The following ALG10 variants were observed in gnomAD, a reference collection of about 807,000 sequenced individuals.
The protein encoded by ALG10 is ALG10 alpha-1,2-glucosyltransferase, also known as dol-P-Glc:Glc(2)Man(9)GlcNAc(2)-PP-Dol alpha-1,2-glucosyltransferase A.
Under a neutral mutation model 39.2 loss-of-function variants are expected in ALG10, and 25 were observed. The observed-to-expected ratio is 0.64, with a 90% CI of 0.46 to 0.89. ALG10 has a LOEUF of 0.89. Ranked by LOEUF, ALG10 falls within the 40% of genes least tolerant of loss-of-function variation. ALG10 has a pLI of 0.00. For missense variants in ALG10, 486 were observed against 546.6 expected (o/e 0.89, Z 1.11); for synonymous variants, 184 against 193.9 (o/e 0.95, Z 0.42).
chr12:34,026,318 T>C lies in ALG10; in HGVS notation c.825T>C (p.Val275=), dbSNP rs375466130. Residue 275 remains valine (V), a synonymous_variant, in exon 3 of 3, where the codon GTT becomes GTC. Coordinates refer to ENST00000266483, the MANE Select transcript of ALG10 (RefSeq NM_032834.4). ...TTGTAGTAGTTAATGGTGGAATTGT[T>C]ATTGGCGATCGGAGTAGTCATGAAG... The part of the protein sequence containing the change: ...CAFVVVNGGI[V]IGDRSSHEAC... The C allele has an allele frequency of 1.2e-6, 2 of 1,614,030 alleles. No individual in the cohort carries two copies. The highest frequency in any genetic ancestry group is 3.3e-5 in the Admixed American group (2 of 60,002).
chr12:34,023,008 G>A, intron 1 of ALG10: 1 of 585,432 alleles, frequency 1.7e-6, no homozygotes, highest in Non-Finnish European at 2.8e-6. Flanking sequence ...TACTCAACGG[G>A]GAACTGAGCC....
chr12:34,023,048 C>A, intron 1 of ALG10: 1 of 463,694 alleles, frequency 2.2e-6, no homozygotes, highest in South Asian at 3.4e-5. Context: ...ATATCGATCC[C>A]ACTTTGTCTT....
At position 34,026,407 on chromosome 12, in the gene ALG10, A is replaced by G. The variant is rs1249501653; in HGVS notation, c.914A>G (p.His305Arg). The change falls in exon 3 of 3, where the codon CAT (histidine) becomes CGT (arginine). Residue 305 changes from histidine to arginine, a missense_variant. His to Arg is a conservative substitution (Grantham distance 29). Transcript: ENST00000266483. ...TTTACTCTCTTTTTTTCCTTTCCTCATCTCCTGTCTCCTAGCAAAATTAAG... is the reference window on the plus strand; with the variant it reads ...TTTACTCTCTTTTTTTCCTTTCCTCGTCTCCTGTCTCCTAGCAAAATTAAG... Reference protein sequence around the residue: ...FSFTLFFSFPHLLSPSKIKTF... With the variant: ...FSFTLFFSFPRLLSPSKIKTF... The G allele has an allele frequency of 3.1e-6, 5 of 1,613,040 alleles. No homozygotes were observed. Among genetic ancestry groups the G allele is most frequent in the African/African-American group, 2.7e-5 (2 of 74,542 alleles).
At chr12:34,022,898 G>C (rs1330283371) in intron 1 of ALG10, 128 bp downstream of exon 1, 28 of 1,291,120 alleles carry the variant, frequency 2.2e-5, no homozygotes, top group Non-Finnish European at 2.8e-5. Flanking sequence ...AAAGAAACTG[G>C]GTATAGTCTT....
chr12:34,024,423 T>C (rs1011319586), intron 2 of ALG10, among the ~76,000 whole-genome samples: 5 of 152,204 alleles, frequency 3.3e-5, no homozygotes, highest in Non-Finnish European at 7.3e-5. Context: ...ACTGAACTTA[T>C]TCCATGTGCT....
chr12:34,022,622 A>G lies in ALG10; in HGVS notation c.23A>G (p.Tyr8Cys). ...GGAATGGCGCAGCTGGAAGGTTACT[A>G]TTTCTCGGCCGCCTTGAGCTGTACC... MAQLEGYYFSAALSCTFL... is the reference protein window; with the variant it reads MAQLEGYCFSAALSCTFL... The change falls in exon 1 of 3, where the codon TAT becomes TGT. Residue 8 changes from tyrosine (Y) to cysteine (C), a missense_variant. Tyr to Cys is a radical substitution (Grantham distance 194). Transcript: ENST00000266483. 2 of 1,613,860 alleles carry G rather than the reference A, an allele frequency of 1.2e-6. No homozygotes were observed. The highest frequency in any genetic ancestry group is 1.7e-6 in the Non-Finnish European group (2 of 1,179,958).
rs772916617 is a variant in ALG10, at chr12:34,026,338, A to G, written c.845A>G (p.His282Arg). ...ATTGTTATTGGCGATCGGAGTAGTC[A>G]TGAAGCCTGTCTTCATTTTCCTCAA... Reference protein sequence around the residue: ...GGIVIGDRSSHEACLHFPQLF... With the variant: ...GGIVIGDRSSREACLHFPQLF... The change falls in exon 3 of 3, where the codon CAT becomes CGT. Residue 282 changes from histidine (H) to arginine (R), a missense_variant. Coordinates refer to ENST00000266483, the MANE Select transcript of ALG10 (RefSeq NM_032834.4). 1 of 1,613,842 alleles carries G rather than the reference A, an allele frequency of 6.2e-7. No homozygotes were observed. Among genetic ancestry groups the G allele is most frequent in the Non-Finnish European group, 8.5e-7 (1 of 1,179,908 alleles).
intron 2 of ALG10, 39 bp from the exon 3 acceptor site, chr12:34,025,824 C>A: frequency 6.2e-7 from 1 of 1,609,934 alleles, no homozygotes; most frequent in South Asian, 1.1e-5. Flanking sequence ...CATTTTTTGT[C>A]ATGAAAATAA....
chr12:34,025,057 CT>C (rs1942816264), intron 2 of ALG10, among the ~76,000 whole-genome samples: 2 of 152,126 alleles, frequency 1.3e-5, no homozygotes, highest in African/African-American at 2.4e-5. Flanking sequence ...GGGAATTGGT[CT>C]TGGAATTACA....
Position 34,022,570 on chromosome 12 carries a change from G to A in ALG10, c.-30G>A. On this transcript the variant is annotated 5_prime_UTR_variant, in exon 1 of 3. Transcript: ENST00000266483. The stretch of plus-strand genomic sequence containing the variant: ...CCAGGCTCAGAATTTTCCAGGAGTA[G>A]GTTCTTGGGCAGTGGCTGTGGGAGC... The A allele has an allele frequency of 6.2e-7, 1 of 1,613,986 alleles. No homozygotes were observed.
chr12:34,025,798 AG>A (rs1942824293), intron 2 of ALG10, 64 bp from the exon 3 acceptor site: 2 of 1,074,638 alleles, frequency 1.9e-6, no homozygotes, highest in South Asian at 2.8e-5. Flanking sequence ...TTTCTTCATT[AG>A]GTAAGCAGAA....
At position 34,026,844 on chromosome 12, in the gene ALG10, A is replaced by G; in HGVS notation, c.1351A>G (p.Thr451Ala). The part of the protein sequence containing the change: ...LSCYAVVNFI[T>A]FFIFLNKTFQ... ...CTGCTATGCAGTTGTTAATTTCATA[A>G]CTTTTTTCATCTTTCTGAACAAGAC... The change falls in exon 3 of 3, where the codon ACT becomes GCT. Residue 451 changes from threonine to alanine, a missense_variant. By Grantham distance (58) the Thr-to-Ala change is moderately conservative. Transcript: ENST00000266483. 1.2e-6 allele frequency: 2 copies of G among 1,613,826 alleles called. No homozygotes were observed. Among genetic ancestry groups the G allele is most frequent in the Non-Finnish European group, 1.7e-6 (2 of 1,179,806 alleles).
rs1161009436 is a variant in ALG10, at chr12:34,027,584, A to G, written c.*669A>G. ...TTCACTAATTCCTAATATGAAATGTATGATGGCCAAAGACAAATTGTATTG... is the reference window on the plus strand; with the variant it reads ...TTCACTAATTCCTAATATGAAATGTGTGATGGCCAAAGACAAATTGTATTG... On this transcript the variant is annotated 3_prime_UTR_variant, in exon 3 of 3. Transcript: ENST00000266483. 4.6e-5 allele frequency: 7 copies of G among 152,474 alleles called. No individual in the cohort carries two copies. The highest frequency in any genetic ancestry group is 8.8e-5 in the Non-Finnish European group (6 of 68,026). The allele number at this position is 152,474 out of a possible 1,614,324, so 9.4% of individuals were successfully genotyped here.
intron 1 of ALG10, 102 bp from the exon 2 acceptor site, chr12:34,023,860 A>G: frequency 6.9e-7 from 1 of 1,446,456 alleles, no homozygotes; most frequent in South Asian, 1.1e-5. Flanking sequence ...AACTTCTCAA[A>G]ATTTCTGATT....
rs201048789 is a variant in ALG10, at chr12:34,024,034, A to G, written c.244A>G (p.Ile82Val). The change falls in exon 2 of 3, where the codon ATC becomes GTC. Residue 82 changes from isoleucine to valine, a missense_variant. By Grantham distance (29) the Ile-to-Val change is conservative. Transcript: ENST00000266483. The part of the protein sequence containing the change: ...SIGVIKPAIW[I>V]FGWSEHVVCS... ...TGGAGTGATCAAACCTGCCATTTGG[A>G]TCTTTGGATGGTCTGAACATGTTGT... is the stretch of plus-strand genomic sequence containing the variant. The G allele has an allele frequency of 8.6e-5, 138 of 1,614,022 alleles. 1 individual carries two copies. In the African/African-American group the frequency reaches 1.6e-3, roughly 19 times the overall value.
In ALG10 at chr12:34,026,325, G is replaced by T. The variant is rs748976308; in HGVS notation, c.832G>T (p.Asp278Tyr). The T allele has an allele frequency of 1.9e-6, 3 of 1,613,874 alleles. No homozygotes were observed. Among genetic ancestry groups the T allele is most frequent in the Non-Finnish European group, 2.5e-6 (3 of 1,179,944 alleles). Residue 278 changes from aspartate (D) to tyrosine (Y), a missense_variant, in exon 3 of 3, where the codon GAT becomes TAT. By Grantham distance (160) the Asp-to-Tyr change is radical. Transcript: ENST00000266483. ...VVVNGGIVIG[D>Y]RSSHEACLHF... ...AGTTAATGGTGGAATTGTTATTGGC[G>T]ATCGGAGTAGTCATGAAGCCTGTCT...
At position 34,026,010 on chromosome 12, in the gene ALG10, A is replaced by T. The variant is rs1296694735; in HGVS notation, c.517A>T (p.Lys173Ter). 1.2e-6 allele frequency: 2 copies of T among 1,613,942 alleles called. No homozygotes were observed. The highest frequency in any genetic ancestry group is 2.7e-5 in the African/African-American group (2 of 74,902). The change falls in exon 3 of 3, where the codon AAA becomes TAA. Residue 173 changes from lysine to a stop codon, truncating the protein, a stop_gained. Transcript: ENST00000266483. LOFTEE classifies it high-confidence loss of function. ...AYLMCLYGNH[K>*]TSAFLGFCGF... ...TTTGATGTGTCTTTATGGAAATCAT[A>T]AAACTTCAGCCTTCCTTGGATTTTG... is the stretch of plus-strand genomic sequence containing the variant.
At position 34,027,590 on chromosome 12, in the gene ALG10, G is replaced by A. The variant is rs1371997203; in HGVS notation, c.*675G>A. ...AATTCCTAATATGAAATGTATGATG[G>A]CCAAAGACAAATTGTATTGATTATA... On this transcript the variant is annotated 3_prime_UTR_variant, in exon 3 of 3. Coordinates refer to ENST00000266483, the MANE Select transcript of ALG10 (RefSeq NM_032834.4). 2.0e-5 allele frequency: 3 copies of A among 152,276 alleles called. No homozygotes were observed. The highest frequency in any genetic ancestry group is 4.4e-5 in the Non-Finnish European group (3 of 68,000). The allele number at this position is 152,276 out of a possible 1,614,324, so 9.4% of individuals were successfully genotyped here.
At position 34,026,581 on chromosome 12, in the gene ALG10, T is replaced by C. The variant is rs1309426993; in HGVS notation, c.1088T>C (p.Phe363Ser). The part of the protein sequence containing the change: ...HYTFYVWKRV[F>S]QRYETVKYLL... ...ACTTTCTATGTGTGGAAAAGAGTTT[T>C]TCAAAGATATGAAACTGTAAAATAT... The change falls in exon 3 of 3, where the codon TTT (phenylalanine) becomes TCT (serine). Residue 363 changes from phenylalanine (F) to serine (S), a missense_variant. Coordinates refer to ENST00000266483, the MANE Select transcript of ALG10 (RefSeq NM_032834.4). 2 of 1,613,892 alleles carry C rather than the reference T, an allele frequency of 1.2e-6. No individual in the cohort carries two copies. Among genetic ancestry groups the C allele is most frequent in the Non-Finnish European group, 1.7e-6 (2 of 1,179,878 alleles).
Sources: gnomAD v4.1 joint callset for allele counts (sites outside exome capture counted in the v4.1 genomes callset) on GRCh38, gnomAD v4.1.1 for gene constraint, MANE v1.5 for transcripts, NCBI Gene and HGNC (gene_info 2026-07-23, HGNC 2026-07-21) for gene names.